The following GABBR2 variants were observed in gnomAD, a reference collection of about 807,000 sequenced individuals.
GABBR2 encodes the protein G-protein coupled receptor 51.
GABBR2 carries 23 observed loss-of-function variants against 105.6 expected under a neutral mutation model. The observed-to-expected ratio is 0.22, with a 90% CI of 0.16 to 0.31. The LOEUF is 0.31. Among genes scored for constraint, GABBR2 ranks in the 10% least tolerant of loss-of-function variants. The pLI is 1.00. For missense variants in GABBR2, 734 were observed against 1,245.5 expected, an observed-to-expected ratio of 0.59 and a Z score of 6.18; for synonymous variants, 478 against 499.7, an observed-to-expected ratio of 0.96 and a Z score of 0.58.
intron 11 of GABBR2, among the ~76,000 whole-genome samples, chr9:98,382,382 C>T (rs1175627308): frequency 6.6e-6 from 1 of 152,130 alleles, no homozygotes; most frequent in South Asian, 2.1e-4. Flanking sequence ...GGCACGATCT[C>T]GGCTCACTGC....
chr9:98,481,001 T>C lies in GABBR2; in HGVS notation c.733-4A>G, dbSNP rs779284295. On this transcript the variant is annotated splice_region_variant and splice_polypyrimidine_tract_variant and intron_variant, in intron 4 of 18. Transcript: ENST00000259455. Reference sequence around the variant, plus strand: ...GGATGATCCGCACATCATTCCCCTGTGGATGGAAGGACACATCATGAAGGT... The same window carrying C: ...GGATGATCCGCACATCATTCCCCTGCGGATGGAAGGACACATCATGAAGGT... The C allele has an allele frequency of 4.9e-5, 77 of 1,586,912 alleles. No individual in the cohort carries two copies. Among genetic ancestry groups the C allele is most frequent in the Non-Finnish European group, 6.3e-5 (73 of 1,155,378 alleles).
At chr9:98,522,390 A>G (rs968395803) in intron 3 of GABBR2, among the ~76,000 whole-genome samples, 2 of 152,186 alleles carry the variant, frequency 1.3e-5, no homozygotes, top group Admixed American at 6.5e-5. Context: ...TAAAAATGTA[A>G]TCATATTTTA....
chr9:98,678,058 C>T (rs1291440092), intron 1 of GABBR2, among the ~76,000 whole-genome samples: 2 of 152,180 alleles, frequency 1.3e-5, no homozygotes, highest in Admixed American at 6.5e-5. Flanking sequence ...ACGGAACTCT[C>T]GTTTTGTTCA....
intron 13 of GABBR2, among the ~76,000 whole-genome samples, chr9:98,326,554 T>A (rs970047502): frequency 6.6e-6 from 1 of 152,190 alleles, no homozygotes; most frequent in Non-Finnish European, 1.5e-5. Flanking sequence ...GACATTTGAC[T>A]CTTGTGGGCT....
At chr9:98,631,385 TCA>T (rs1434363458) in intron 1 of GABBR2, among the ~76,000 whole-genome samples, 3 of 152,206 alleles carry the variant, frequency 2.0e-5, no homozygotes, top group Non-Finnish European at 4.4e-5. Context: ...GCTGCTATGA[TCA>T]CATTAGCTAA....
At chr9:98,447,407 A>T (rs1407588555) in intron 7 of GABBR2, among the ~76,000 whole-genome samples, 3 of 152,156 alleles carry the variant, frequency 2.0e-5, no homozygotes, top group African/African-American at 7.2e-5. Context: ...CAAATATAAG[A>T]CACCAATGTC....
At chr9:98,464,361 C>T (rs76484844) in intron 6 of GABBR2, among the ~76,000 whole-genome samples, 2 of 151,696 alleles carry the variant, frequency 1.3e-5, no homozygotes, top group East Asian at 3.9e-4. Context: ...TGCCTGGCCG[C>T]CCCCTCTGGG....
chr9:98,526,510 TG>T (rs1023814657), intron 3 of GABBR2, among the ~76,000 whole-genome samples: 1 of 152,248 alleles, frequency 6.6e-6, no homozygotes, highest in Non-Finnish European at 1.5e-5. Flanking sequence ...ACTCTCTGCA[TG>T]GGATTTCCTA....
intron 7 of GABBR2, among the ~76,000 whole-genome samples, chr9:98,414,879 C>G (rs905961398): frequency 6.6e-6 from 1 of 152,074 alleles, no homozygotes; most frequent in African/African-American, 2.4e-5. Flanking sequence ...ACCCTGAGGC[C>G]TAAGGAACAG....
chr9:98,478,051 A>G (rs768769563), intron 5 of GABBR2, among the ~76,000 whole-genome samples: 2 of 152,242 alleles, frequency 1.3e-5, no homozygotes, highest in Non-Finnish European at 2.9e-5. Flanking sequence ...AGAGGAGAAG[A>G]CAAAAGCAAC....
intron 3 of GABBR2, among the ~76,000 whole-genome samples, chr9:98,498,455 ACATCAGAGCATTTTGGAT>A (rs1352114292): frequency 6.6e-6 from 1 of 152,258 alleles, no homozygotes; most frequent in Non-Finnish European, 1.5e-5. Flanking sequence ...TGTAATGTAT[ACATCAGAGCATTTTGGAT>A]AATCTGGCCT....
chr9:98,503,145 G>C (rs1827438408), intron 3 of GABBR2, among the ~76,000 whole-genome samples: 1 of 152,182 alleles, frequency 6.6e-6, no homozygotes, highest in African/African-American at 2.4e-5. Context: ...CTGTAGCAGA[G>C]AAGTCAGCCC....
chr9:98,532,312 A>C (rs1828082142), intron 3 of GABBR2, among the ~76,000 whole-genome samples: 1 of 152,196 alleles, frequency 6.6e-6, no homozygotes, highest in South Asian at 2.1e-4. Flanking sequence ...GCAGAGCTCA[A>C]GGGAAGAGCA....
Position 98,674,385 on chromosome 9 carries a change from G to A in GABBR2, c.321+34032C>T, listed in dbSNP as rs578014748. On this transcript the variant is annotated intron_variant, in intron 1 of 18. Transcript: ENST00000259455. ...CACGTGAACATCTGGGGGTGCCATA[G>A]GATCCTTCACCTTGTCCATTTTCAC... Among the ~76,000 whole-genome samples the A allele has an allele frequency of 3.3e-5, 5 of 152,270 alleles. No homozygotes were observed. In the South Asian group the frequency reaches 1.0e-3, roughly 32 times the overall value.
rs1412606305 is a variant in GABBR2, at chr9:98,290,561, C to A, written c.*23G>T. The stretch of plus-strand genomic sequence containing the variant: ...CAGTGTGGTTCTGTCACGGGGGAGG[C>A]CCCGGGCCCAGGCCTCCCACCCTTA... On this transcript the variant is annotated 3_prime_UTR_variant, in exon 19 of 19. Coordinates refer to ENST00000259455, the MANE Select transcript of GABBR2 (RefSeq NM_005458.8). 7.4e-7 allele frequency: 1 copy of A among 1,353,232 alleles called. No homozygotes were observed. Among genetic ancestry groups the A allele is most frequent in the Non-Finnish European group, 9.5e-7 (1 of 1,048,272 alleles). 83.8% of individuals were successfully genotyped at this position (1,353,232 alleles called of 1,614,324 possible).
At chr9:98,513,004 T>C (rs1350963889) in intron 3 of GABBR2, among the ~76,000 whole-genome samples, 1 of 151,802 alleles carries the variant, frequency 6.6e-6, no homozygotes, top group Admixed American at 6.6e-5. Context: ...GACTTCAAAC[T>C]ATACTACAAG....
intron 5 of GABBR2, among the ~76,000 whole-genome samples, chr9:98,475,237 A>G (rs932566572): frequency 6.6e-6 from 1 of 152,132 alleles, no homozygotes; most frequent in African/African-American, 2.4e-5. Flanking sequence ...TGTCATGGAA[A>G]ATACAGAAAA....
chr9:98,508,102 C>T (rs1827550170), intron 3 of GABBR2, among the ~76,000 whole-genome samples: 2 of 152,098 alleles, frequency 1.3e-5, no homozygotes, highest in Admixed American at 1.3e-4. Context: ...CCAATGTTTA[C>T]AAAAACACTG....
chr9:98,302,167 AGAC>A (rs2131348366), intron 16 of GABBR2, among the ~76,000 whole-genome samples: 1 of 152,332 alleles, frequency 6.6e-6, no homozygotes, highest in East Asian at 1.9e-4. Context: ...GTCCAGCTAG[AGAC>A]GACGTTTCCC....
Sources: gnomAD v4.1 joint callset for allele counts (sites outside exome capture counted in the v4.1 genomes callset) on GRCh38, gnomAD v4.1.1 for gene constraint, MANE v1.5 for transcripts, NCBI Gene and HGNC (gene_info 2026-07-23, HGNC 2026-07-21) for gene names.